Variants in CFAP92 observed in about 807,000 individuals in gnomAD.
CFAP92 encodes cilia and flagella associated protein 92 (putative), also known as uncharacterized protein CFAP92.
In CFAP92, 86 loss-of-function variants were observed where a neutral mutation model predicts 106.3. That is an observed-to-expected ratio of 0.81 (90% CI 0.68 to 0.97). The LOEUF (loss-of-function observed/expected upper bound fraction) is 0.97, where lower values mean the gene tolerates loss of function less well. CFAP92 is among the 50% of genes least tolerant of loss of function. The probability of loss-of-function intolerance (pLI) is 0.00; values close to 1 mark genes in which losing one functional copy is unlikely to be tolerated. For synonymous variants in CFAP92, 477 were observed against 506.4 expected (o/e 0.94, Z 0.78); for missense variants, 1,204 against 1,283.8 (o/e 0.94, Z 0.95).
chr3:128,994,112 G>A (rs1944388075), upstream of CFAP92: 1 of 985,508 alleles, frequency 1.0e-6, no homozygotes, highest in Non-Finnish European at 1.2e-6. Context: ...AGGGCCGCAG[G>A]CCCAGCCACT....
intron 4 of CFAP92, among the ~76,000 whole-genome samples, chr3:128,987,018 G>A (rs913532307): frequency 3.9e-5 from 6 of 152,144 alleles, no homozygotes; most frequent in African/African-American, 1.2e-4. Context: ...AAAATTAGCC[G>A]GGCGTGGTGG....
intron 4 of CFAP92, among the ~76,000 whole-genome samples, chr3:128,981,781 A>G (rs570414079): frequency 3.3e-5 from 5 of 152,340 alleles, no homozygotes; most frequent in African/African-American, 1.2e-4. Flanking sequence ...GGATGTTGAA[A>G]CCAAAGTCAC....
the CFAP92 span, among the ~76,000 whole-genome samples, chr3:129,019,878 C>T: frequency 6.7e-6 from 1 of 149,796 alleles, no homozygotes; most frequent in East Asian, 2.0e-4. Context: ...AAGCGATTCT[C>T]CTGCCTCAGC....
chr3:128,927,443 G>A (rs750161774), intron 12 of CFAP92, among the ~76,000 whole-genome samples: 9 of 152,236 alleles, frequency 5.9e-5, no homozygotes, highest in East Asian at 1.9e-4. Flanking sequence ...TTCTAGGGCC[G>A]GGCGCGGTGG....
At chr3:128,939,411 T>G (rs1200734266) in intron 10 of CFAP92, among the ~76,000 whole-genome samples, 5 of 152,192 alleles carry the variant, frequency 3.3e-5, no homozygotes, top group Admixed American at 3.3e-4. Context: ...GTGCTGAGAT[T>G]ACAGGCGTGA....
chr3:128,990,945 T>C (rs1393710737), intron 2 of CFAP92, among the ~76,000 whole-genome samples: 3 of 152,046 alleles, frequency 2.0e-5, no homozygotes. Context: ...TATGTACTCA[T>C]CTGTAAATAC....
intron 15 of CFAP92, among the ~76,000 whole-genome samples, chr3:128,914,044 C>A (rs1480825573): frequency 6.6e-6 from 1 of 152,172 alleles, no homozygotes; most frequent in Non-Finnish European, 1.5e-5. Flanking sequence ...GGCCTAGCGA[C>A]CAGTTCAAGC....
chr3:128,948,492 A>T, intron 9 of CFAP92, among the ~76,000 whole-genome samples: 1 of 132,614 alleles, frequency 7.5e-6, no homozygotes. Flanking sequence ...CCAAATTGCC[A>T]GGATAACAGG....
At chr3:129,025,555 A>G in the CFAP92 span, among the ~76,000 whole-genome samples, 3 of 152,326 alleles carry the variant, frequency 2.0e-5, no homozygotes, top group African/African-American at 7.2e-5. Flanking sequence ...TTTTCTGTCA[A>G]GTAGGGCAGA....
chr3:129,022,799 A>G, the CFAP92 span, among the ~76,000 whole-genome samples: 38,120 of 152,062 alleles, frequency 0.25, 5,215 homozygotes, highest in Middle Eastern at 0.39. Flanking sequence ...CATTTCCCCC[A>G]TGGCTCCCGA....
At position 128,953,790 on chromosome 3, in the gene CFAP92, G is replaced by A. The variant is rs1157711642; in HGVS notation, c.1354-7815C>T. 1.7e-4 allele frequency among the ~76,000 whole-genome samples: 21 copies of A among 122,826 alleles called. 3 individuals carry two copies. In the East Asian group the frequency reaches 5.4e-3, roughly 32 times the overall value. The allele number at this position is 122,826 out of a possible 152,430, so 80.6% of individuals were successfully genotyped here. A position where few individuals can be genotyped will look rare whatever the true frequency, so the allele number is the denominator to read the frequency against. On this transcript the variant is annotated intron_variant, in intron 9 of 15. Transcript: ENST00000645291. ...GCCACCACGCCTGACTGGTTTTGGT[G>A]GAGACGGGGTTTCGCTGTGTTGGCC...
intron 9 of CFAP92, among the ~76,000 whole-genome samples, chr3:128,960,273 G>A (rs968739532): frequency 6.6e-6 from 1 of 152,148 alleles, no homozygotes; most frequent in Non-Finnish European, 1.5e-5. Context: ...GACTCGGATC[G>A]GGGGACCTCC....
chr3:128,945,815 G>C lies in CFAP92; in HGVS notation c.1514C>G (p.Pro505Arg). The C allele has an allele frequency of 6.6e-7, 1 of 1,521,266 alleles. No homozygotes were observed. The highest frequency in any genetic ancestry group is 8.8e-7 in the Non-Finnish European group (1 of 1,140,124). The allele number at this position is 1,521,266 out of a possible 1,614,324, so 94.2% of individuals were successfully genotyped here. A position where few individuals can be genotyped will look rare whatever the true frequency, so the allele number is the denominator to read the frequency against. ...GTCGTGAACTTCCACCACCATGGGG[G>C]GGCCCTCCAGGTATTCCCTTAGGTC... is the stretch of plus-strand genomic sequence containing the variant. ...PSDLREYLEG[P>R]PMVVEVHDRD... Residue 505 changes from proline (P) to arginine (R), a missense_variant, in exon 10 of 16, where the codon CCC (proline) becomes CGC (arginine). Transcript: ENST00000645291.
Position 128,915,400 on chromosome 3 carries a change from C to G in CFAP92, c.3080G>C (p.Ser1027Thr), listed in dbSNP as rs1936727117. 3.9e-6 allele frequency: 6 copies of G among 1,536,158 alleles called. No homozygotes were observed. In the East Asian group the frequency reaches 7.3e-5, roughly 19 times the overall value. Reference protein sequence around the residue: ...VTGLQSDTESSFQDLKLPPIK... With the variant: ...VTGLQSDTESTFQDLKLPPIK... ...GGGTGGCAGCTTGAGATCCTGAAAG[C>G]TGCTTTCGGTGTCGCTCTGAAGACC... is the stretch of plus-strand genomic sequence containing the variant. The change falls in exon 14 of 16, where the codon AGC (serine) becomes ACC (threonine). Residue 1027 changes from serine (S) to threonine (T), a missense_variant. Ser to Thr is a moderately conservative substitution (Grantham distance 58, BLOSUM62 1). Transcript: ENST00000645291.
At chr3:128,935,666 C>G (rs1176987199) in intron 10 of CFAP92, among the ~76,000 whole-genome samples, 1 of 151,992 alleles carries the variant, frequency 6.6e-6, no homozygotes, top group Non-Finnish European at 1.5e-5. Flanking sequence ...GAGCCAAGAT[C>G]GCGACATTGC....
intron 9 of CFAP92, among the ~76,000 whole-genome samples, chr3:128,963,136 A>T (rs1942077530): frequency 6.6e-6 from 1 of 152,172 alleles, no homozygotes; most frequent in East Asian, 1.9e-4. Context: ...CTATCTTGGC[A>T]TAATTCTCAT....
chr3:128,956,276 G>GA (rs1048219230), intron 9 of CFAP92, among the ~76,000 whole-genome samples: 14 of 138,756 alleles, frequency 1.0e-4, no homozygotes, highest in African/African-American at 3.4e-4. Flanking sequence ...CAACACAGGG[G>GA]AAAAAAGACA....
intron 12 of CFAP92, among the ~76,000 whole-genome samples, chr3:128,917,337 G>T (rs184307808): frequency 6.6e-6 from 1 of 152,112 alleles, no homozygotes; most frequent in Non-Finnish European, 1.5e-5. Flanking sequence ...TAGAATTCGT[G>T]AATTACAACC....
chr3:128,932,715 C>A lies in CFAP92; in HGVS notation c.2736G>T (p.Lys912Asn), dbSNP rs1399614969. The change falls in exon 12 of 16, where the codon AAG becomes AAT. Residue 912 changes from lysine (K) to asparagine (N), a missense_variant. Coordinates refer to ENST00000645291, the MANE Select transcript of CFAP92 (RefSeq NM_001394090.1). ...SAMLMKNKDK[K>N]HSFIQKNITE... ...GGCGGCCCACCTGGATGAAACTGTG[C>A]TTTTTGTCTTTGTTCTTCATAAGCA... is the stretch of plus-strand genomic sequence containing the variant. 2 of 1,532,644 alleles carry A rather than the reference C, an allele frequency of 1.3e-6. No individual in the cohort carries two copies. 94.9% of individuals were successfully genotyped at this position (1,532,644 alleles called of 1,614,324 possible). A position where few individuals can be genotyped will look rare whatever the true frequency, so the allele number is the denominator to read the frequency against.
Sources: allele counts gnomAD v4.1 joint callset (sites outside exome capture counted in the v4.1 genomes callset), GRCh38; gene constraint gnomAD v4.1.1; transcripts MANE v1.5; gene names NCBI Gene and HGNC (gene_info 2026-07-23, HGNC 2026-07-21).